The following CAPRIN1 variants were observed in gnomAD, a reference collection of about 807,000 sequenced individuals.
CAPRIN1 encodes caprin-1.
In CAPRIN1, 29 loss-of-function variants were observed where a neutral mutation model predicts 100.9. The observed-to-expected ratio is 0.29, with a 90% CI of 0.21 to 0.39. The LOEUF is 0.39. CAPRIN1 is among the 10% of genes least tolerant of loss of function. The pLI, the probability that CAPRIN1 is intolerant of heterozygous loss-of-function variation, is 1.00. For synonymous variants in CAPRIN1, 338 were observed against 307.5 expected, an observed-to-expected ratio of 1.10 and a Z score of -1.04; for missense variants, 795 against 876.7, an observed-to-expected ratio of 0.91 and a Z score of 1.18.
chr11:34,060,570 T>G (rs755069755), intron 2 of CAPRIN1, among the ~76,000 whole-genome samples: 100 of 152,198 alleles, frequency 6.6e-4, no homozygotes, highest in Non-Finnish European at 2.5e-4. Context: ...AAAAACCCTT[T>G]GGGCTTACAC....
At chr11:34,086,507 A>G in intron 11 of CAPRIN1, 94 bp downstream of exon 11, 6 of 694,168 alleles carry the variant, frequency 8.6e-6, no homozygotes, top group Non-Finnish European at 1.5e-5. Context: ...GTTTATTTTA[A>G]TGACTGTTTA....
chr11:34,096,631 G>C lies in CAPRIN1; in HGVS notation c.1858G>C (p.Gly620Arg). The change falls in exon 16 of 19, where the codon GGC (glycine) becomes CGC (arginine). Residue 620 changes from glycine to arginine, a missense_variant. Gly to Arg is a moderately radical substitution (Grantham distance 125, BLOSUM62 -2). This residue lies in a region of CAPRIN1 where 648 missense variants were observed against 697.9 expected (regional missense o/e 0.93). Transcript: ENST00000341394. ...TCGTGGAGGCTCCCGTGGTGCTAGA[G>C]GCTTGATGAATGGATACCGGGGCCC... is the stretch of plus-strand genomic sequence containing the variant. ...VSRGGSRGAR[G>R]LMNGYRGPAN... 6.2e-7 allele frequency: 1 copy of C among 1,610,576 alleles called. No homozygotes were observed. Among genetic ancestry groups the C allele is most frequent in the Non-Finnish European group, 8.5e-7 (1 of 1,177,220 alleles).
rs1422010538 is a variant in CAPRIN1 at position 34,097,244 on chromosome 11, G to C, written c.1949G>C (p.Gly650Ala). ...TCATTCTCTAACACTCCAAACAGTG[G>C]TTATACACAGTCTCAGTTCAGTGCT... The part of the protein sequence containing the change: ...RPSFSNTPNS[G>A]YTQSQFSAPR... Residue 650 changes from glycine to alanine, a missense_variant, in exon 17 of 19, where the codon GGT (glycine) becomes GCT (alanine). By Grantham distance (60) the Gly-to-Ala change is moderately conservative. Coordinates refer to ENST00000341394, the MANE Select transcript of CAPRIN1 (RefSeq NM_005898.5). The C allele has an allele frequency of 1.2e-6, 2 of 1,614,006 alleles. No homozygotes were observed. The highest frequency in any genetic ancestry group is 2.2e-5 in the South Asian group (2 of 91,072).
chr11:34,082,591 A>G lies in CAPRIN1; in HGVS notation c.827-234A>G, dbSNP rs564783784. 2.0e-5 allele frequency among the ~76,000 whole-genome samples: 3 copies of G among 152,284 alleles called. No individual in the cohort carries two copies. The East Asian group carries it at 5.8e-4, about 29-fold the overall frequency. ...CCCTCACAGATGCACAGCCTCCCTC[A>G]TTGTCAGCATCCCCCCAACCAGAGT... On this transcript the variant is annotated intron_variant, in intron 7 of 18. Coordinates refer to ENST00000341394, the MANE Select transcript of CAPRIN1 (RefSeq NM_005898.5).
intron 2 of CAPRIN1, among the ~76,000 whole-genome samples, chr11:34,057,880 G>A (rs146419663): frequency 0.017 from 2,588 of 149,412 alleles, 53 homozygotes; most frequent in African/African-American, 0.06. Flanking sequence ...CACCACGCCC[G>A]GCTAATTTTT....
intron 2 of CAPRIN1, among the ~76,000 whole-genome samples, chr11:34,062,115 C>CT: frequency 6.6e-6 from 1 of 152,182 alleles, no homozygotes; most frequent in Admixed American, 6.5e-5. Context: ...AGTGTATGTT[C>CT]TTTCTACCCT....
At position 34,098,443 on chromosome 11, in the gene CAPRIN1, A is replaced by C. The variant is rs996476539; in HGVS notation, c.2065+682A>C. On this transcript the variant is annotated intron_variant, in intron 18 of 18. Transcript: ENST00000341394. ...TGGCAGGAAGTTAACCTATTTAACA[A>C]TTAGAGCTAGCATTTCATGTAGTCT... The C allele has an allele frequency of 1.8e-4, 174 of 985,432 alleles. No individual in the cohort carries two copies. In the Middle Eastern group the frequency reaches 2.1e-3, roughly 12 times the overall value. 61.0% of individuals were successfully genotyped at this position (985,432 alleles called of 1,614,324 possible). A position where few individuals can be genotyped will look rare whatever the true frequency, so the allele number is the denominator to read the frequency against.
chr11:34,076,332 G>A lies in CAPRIN1; in HGVS notation c.463G>A (p.Val155Ile), dbSNP rs371039129. Reference sequence around the variant, plus strand: ...AAAAACTGTACTTGAGCTACAGTATGTTTTGGACAAATTGGGAGATGATGA... The same window carrying A: ...AAAAACTGTACTTGAGCTACAGTATATTTTGGACAAATTGGGAGATGATGA... The part of the protein sequence containing the change: ...RLKTVLELQY[V>I]LDKLGDDEVR... Residue 155 changes from valine to isoleucine, a missense_variant, in exon 5 of 19, where the codon GTT (valine) becomes ATT (isoleucine). Val to Ile is a conservative substitution (Grantham distance 29). Coordinates refer to ENST00000341394, the MANE Select transcript of CAPRIN1 (RefSeq NM_005898.5). The A allele has an allele frequency of 3.7e-5, 59 of 1,614,184 alleles. No homozygotes were observed. Among genetic ancestry groups the A allele is most frequent in the Non-Finnish European group, 4.9e-5 (58 of 1,179,984 alleles).
At chr11:34,063,294 A>C (rs1460553407) in intron 2 of CAPRIN1, 1 of 152,246 alleles carries the variant, frequency 6.6e-6, no homozygotes, top group African/African-American at 2.4e-5. Flanking sequence ...GCTGGAATCC[A>C]GAATGACATT....
intron 15 of CAPRIN1, among the ~76,000 whole-genome samples, chr11:34,092,959 C>T (rs1851290774): frequency 1.3e-5 from 2 of 151,908 alleles, no homozygotes; most frequent in Non-Finnish European, 2.9e-5. Context: ...CTCAATGATC[C>T]TCCTCCCTCA....
intron 2 of CAPRIN1, among the ~76,000 whole-genome samples, chr11:34,065,810 T>A (rs527684839): frequency 1.6e-4 from 24 of 152,318 alleles, no homozygotes; most frequent in African/African-American, 5.8e-4. Flanking sequence ...TGAGTGCTGT[T>A]TCTTAGAAAC....
At position 34,055,329 on chromosome 11, in the gene CAPRIN1, AT is replaced by A. The variant is rs113289796; in HGVS notation, c.216+2702del. On this transcript the variant is annotated intron_variant, in intron 2 of 18. Coordinates refer to ENST00000341394, the MANE Select transcript of CAPRIN1 (RefSeq NM_005898.5). ...CAAGTGTGCGCCACCACCCCAGGCA[AT>A]TTTTTTTTCTTTGAGAAGTCTCGCT... Among the ~76,000 whole-genome samples the A allele has an allele frequency of 7.6e-4, 111 of 146,992 alleles. 1 individual carries two copies. The highest frequency in any genetic ancestry group is 2.0e-3 in the African/African-American group (80 of 39,608).
At chr11:34,097,606 A>G in intron 17 of CAPRIN1, 92 bp from the exon 18 acceptor site, 1 of 1,423,856 alleles carries the variant, frequency 7.0e-7, no homozygotes, top group Non-Finnish European at 9.9e-7. Context: ...AAGATTAAGG[A>G]AGAATTCTGT....
chr11:34,097,074 G>A (rs1851381980), intron 16 of CAPRIN1, 122 bp from the exon 17 acceptor site: 6 of 688,502 alleles, frequency 8.7e-6, no homozygotes, highest in Middle Eastern at 4.0e-4. Flanking sequence ...TAGGAAATTG[G>A]AGATTAATTT....
intron 11 of CAPRIN1, among the ~76,000 whole-genome samples, chr11:34,088,893 C>CT (rs1357243903): frequency 1.3e-5 from 2 of 152,104 alleles, no homozygotes; most frequent in African/African-American, 4.8e-5. Flanking sequence ...AAAATGCTCA[C>CT]TTGAAAGCTA....
In CAPRIN1 at chr11:34,090,644, A is replaced by G; in HGVS notation, c.1520A>G (p.Asn507Ser). Residue 507 changes from asparagine to serine, a missense_variant, in exon 14 of 19, where the codon AAT (asparagine) becomes AGT (serine). Physicochemically the swap from Asn to Ser is conservative, Grantham distance 46 (BLOSUM62 1). This residue lies in a region of CAPRIN1 where 648 missense variants were observed against 697.9 expected (regional missense o/e 0.93). Transcript: ENST00000341394. ...TSKPLHSSGINVNAAPFQSMQ... is the reference protein window; with the variant it reads ...TSKPLHSSGISVNAAPFQSMQ... ...AAACCTTTACATAGCAGTGGAATCAATGTAAATGCAGCTCCATTCCAATCC... is the reference window on the plus strand; with the variant it reads ...AAACCTTTACATAGCAGTGGAATCAGTGTAAATGCAGCTCCATTCCAATCC... 6.2e-7 allele frequency: 1 copy of G among 1,614,202 alleles called. No homozygotes were observed. Among genetic ancestry groups the G allele is most frequent in the Non-Finnish European group, 8.5e-7 (1 of 1,180,008 alleles).
chr11:34,082,784 C>G (rs1427862280), intron 7 of CAPRIN1, 41 bp from the exon 8 acceptor site: 2 of 1,529,064 alleles, frequency 1.3e-6, no homozygotes, highest in South Asian at 2.3e-5. Flanking sequence ...TATCACTGAC[C>G]TAAAAATCCT....
At chr11:34,067,006 T>C (rs1176207090) in intron 2 of CAPRIN1, among the ~76,000 whole-genome samples, 1 of 151,286 alleles carries the variant, frequency 6.6e-6, no homozygotes, top group African/African-American at 2.4e-5. Flanking sequence ...CTCGACTCAG[T>C]GTAGTCTCCA....
chr11:34,087,115 C>T (rs1851161870), intron 11 of CAPRIN1, among the ~76,000 whole-genome samples: 1 of 152,064 alleles, frequency 6.6e-6, no homozygotes, highest in African/African-American at 2.4e-5. Context: ...ACCTTCTCTC[C>T]AGGACTATTA....
Sources: gnomAD v4.1 joint callset for allele counts (sites outside exome capture counted in the v4.1 genomes callset) on GRCh38, gnomAD v4.1.1 for gene constraint, gnomAD v4.1.1 regional missense constraint, MANE v1.5 for transcripts, NCBI Gene and HGNC (gene_info 2026-07-23, HGNC 2026-07-21) for gene names.